ENPP6: variants seen among roughly 807,000 people sequenced by gnomAD.
ENPP6 encodes the protein ectonucleotide pyrophosphatase/phosphodiesterase 6.
In ENPP6, 32 loss-of-function variants were observed where a neutral mutation model predicts 42.0. That is an observed-to-expected ratio of 0.76 (90% CI 0.58 to 1.02). The LOEUF (loss-of-function observed/expected upper bound fraction) is 1.02. Among genes scored for constraint, ENPP6 ranks in the 50% least tolerant of loss-of-function variants. The pLI is 0.00. For synonymous variants in ENPP6, 213 were observed against 216.0 expected (o/e 0.99, Z 0.12); for missense variants, 552 against 566.8 (o/e 0.97, Z 0.27).
At position 184,116,951 on chromosome 4, in the gene ENPP6, C is replaced by T. The variant is rs756597567; in HGVS notation, c.760G>A (p.Glu254Lys). ...TTCAGGCTGATGTACTTATTCAGCT[C>T]AATCACTTTGTCCATCCAGAAAATG... ...TDIFWMDKVI[E>K]LNKYISLNDL... The change falls in exon 5 of 8, where the codon GAG becomes AAG. Residue 254 changes from glutamate to lysine, a missense_variant. Transcript: ENST00000296741. The T allele has an allele frequency of 1.2e-6, 2 of 1,614,164 alleles. No individual in the cohort carries two copies. The highest frequency in any genetic ancestry group is 1.7e-6 in the Non-Finnish European group (2 of 1,180,032).
At chr4:184,172,331 T>TTCC (rs1437631724) in intron 1 of ENPP6, among the ~76,000 whole-genome samples, 40 of 152,260 alleles carry the variant, frequency 2.6e-4, no homozygotes, top group African/African-American at 9.4e-4. Context: ...ACCCTCAGTC[T>TTCC]TCCACGCAGG....
chr4:184,186,202 C>T (rs1011043008), intron 1 of ENPP6, among the ~76,000 whole-genome samples: 27 of 152,162 alleles, frequency 1.8e-4, no homozygotes, highest in African/African-American at 6.5e-4. Flanking sequence ...GAGGAATAGC[C>T]ATACAATGGG....
chr4:184,116,755 C>T, intron 5 of ENPP6, 101 bp downstream of exon 5: 1 of 1,470,458 alleles, frequency 6.8e-7, no homozygotes. Context: ...CAAACACACA[C>T]ACACAAAACA....
chr4:184,162,177 C>T (rs1737272355), intron 1 of ENPP6, among the ~76,000 whole-genome samples: 1 of 152,176 alleles, frequency 6.6e-6, no homozygotes, highest in African/African-American at 2.4e-5. Flanking sequence ...TGCTCCACAG[C>T]AACCCCCTCC....
chr4:184,100,868 A>G (rs779160080), intron 6 of ENPP6, among the ~76,000 whole-genome samples: 1 of 152,212 alleles, frequency 6.6e-6, no homozygotes, highest in Non-Finnish European at 1.5e-5. Context: ...CCAGGAACTC[A>G]GCTAGGCTTC....
Position 184,214,422 on chromosome 4 carries a change from A to G in ENPP6, c.241+3157T>C, listed in dbSNP as rs572828960. 2.6e-5 allele frequency among the ~76,000 whole-genome samples: 4 copies of G among 152,298 alleles called. No homozygotes were observed. In the East Asian group the frequency reaches 7.7e-4, roughly 29 times the overall value. On this transcript the variant is annotated intron_variant, in intron 1 of 7. Coordinates refer to ENST00000296741, the MANE Select transcript of ENPP6 (RefSeq NM_153343.4). ...GGGCTAGATGGTTTCAAGGTTGCTC[A>G]CAAATAGGCCTGTTGATTCCCCATC...
At position 184,112,794 on chromosome 4, in the gene ENPP6, T is replaced by A. The variant is rs138480459; in HGVS notation, c.871A>T (p.Ser291Cys). ...TAGACAGTCATGTGTTCCACTGTGC[T>A]CAGTTTGTTATATATCTGCAAAGAA... ...GKHSEIYNKLSTVEHMTVYEK... is the reference protein window; with the variant it reads ...GKHSEIYNKLCTVEHMTVYEK... The change falls in exon 6 of 8, where the codon AGC becomes TGC. Residue 291 changes from serine (S) to cysteine (C), a missense_variant. Transcript: ENST00000296741. 2.5e-3 allele frequency: 3,966 copies of A among 1,613,678 alleles called. 9 individuals are homozygous for A. Among genetic ancestry groups the A allele is most frequent in the Non-Finnish European group, 3.1e-3 (3,642 of 1,179,924 alleles).
chr4:184,185,565 CA>C (rs1732621584), intron 1 of ENPP6, among the ~76,000 whole-genome samples: 1 of 152,158 alleles, frequency 6.6e-6, no homozygotes, highest in Non-Finnish European at 1.5e-5. Context: ...CTTTAACCTG[CA>C]GAACACCTTG....
chr4:184,150,178 C>T (rs1213722422), intron 2 of ENPP6, among the ~76,000 whole-genome samples: 3 of 152,070 alleles, frequency 2.0e-5, no homozygotes, highest in Non-Finnish European at 2.9e-5. Flanking sequence ...CACTGGGTGG[C>T]GTGCTAAAGG....
rs919031610 is a variant in ENPP6, at chr4:184,184,873, G to A, written c.242-31140C>T. ...TCGAGAACCATGGCAGTCGATTCCT[G>A]TTGTCTGAGCCACCCAGCGTGTGGA... On this transcript the variant is annotated intron_variant, in intron 1 of 7. Coordinates refer to ENST00000296741, the MANE Select transcript of ENPP6 (RefSeq NM_153343.4). This position sits in a 1 kb window ranked among gnomAD's most constrained non-coding sequence, Gnocchi z 4.7. Among the ~76,000 whole-genome samples, 1 of 152,038 alleles carries A rather than the reference G, an allele frequency of 6.6e-6. No homozygotes were observed.
At chr4:184,108,955 C>A (rs1736152184) in intron 6 of ENPP6, among the ~76,000 whole-genome samples, 1 of 152,230 alleles carries the variant, frequency 6.6e-6, no homozygotes, top group African/African-American at 2.4e-5. Flanking sequence ...TCACGCCTGT[C>A]ATCCCAGCAC....
chr4:184,139,120 C>A (rs531166851), intron 2 of ENPP6, among the ~76,000 whole-genome samples: 117 of 152,344 alleles, frequency 7.7e-4, no homozygotes, highest in African/African-American at 2.5e-3. Context: ...AATCCTTCTG[C>A]TCCGTCTCTG....
At chr4:184,152,139 G>A (rs575079989) in intron 2 of ENPP6, among the ~76,000 whole-genome samples, 1 of 152,228 alleles carries the variant, frequency 6.6e-6, no homozygotes, top group East Asian at 1.9e-4. Context: ...GCTCACCTGC[G>A]GGTGAGGCCA....
At chr4:184,127,628 G>T (rs970479490) in intron 2 of ENPP6, among the ~76,000 whole-genome samples, 2 of 152,164 alleles carry the variant, frequency 1.3e-5, no homozygotes, top group African/African-American at 4.8e-5. Context: ...GTAGTGCTGT[G>T]TGCCTGTATT....
At chr4:184,213,340 T>G (rs1733146693) in intron 1 of ENPP6, among the ~76,000 whole-genome samples, 1 of 151,322 alleles carries the variant, frequency 6.6e-6, no homozygotes, top group Admixed American at 6.6e-5. Context: ...AACCTACTCA[T>G]CTGACAAAGG....
At chr4:184,172,268 C>T (rs1157773961) in intron 1 of ENPP6, among the ~76,000 whole-genome samples, 1 of 152,002 alleles carries the variant, frequency 6.6e-6, no homozygotes, top group Non-Finnish European at 1.5e-5. Flanking sequence ...TAGAAAGGTG[C>T]CTCTAGGGAC....
chr4:184,134,631 A>C (rs948710209), intron 2 of ENPP6, among the ~76,000 whole-genome samples: 5 of 151,414 alleles, frequency 3.3e-5, no homozygotes, highest in Non-Finnish European at 4.4e-5. Context: ...ATTTCTTTAT[A>C]AGCCTTGTCA....
intron 5 of ENPP6, among the ~76,000 whole-genome samples, chr4:184,114,172 G>A (rs1455503169): frequency 3.3e-5 from 5 of 152,068 alleles, no homozygotes; most frequent in Non-Finnish European, 7.4e-5. Flanking sequence ...CGCCATGTTG[G>A]CCAGGCTGGT....
intron 1 of ENPP6, among the ~76,000 whole-genome samples, chr4:184,161,751 G>A (rs1737260528): frequency 6.6e-6 from 1 of 152,174 alleles, no homozygotes; most frequent in Admixed American, 6.5e-5. Context: ...TAGAATTAGA[G>A]ACCATTATTC....
Sources: gnomAD v4.1 joint callset for allele counts (sites outside exome capture counted in the v4.1 genomes callset) on GRCh38, gnomAD v4.1.1 for gene constraint, Gnocchi (gnomAD v3.1) non-coding constraint, MANE v1.5 for transcripts, NCBI Gene and HGNC (gene_info 2026-07-23, HGNC 2026-07-21) for gene names.